LSM14A: variants seen among roughly 807,000 people sequenced by gnomAD.
The protein encoded by LSM14A is protein LSM14 homolog A.
LSM14A carries 14 observed loss-of-function variants against 52.4 expected under a neutral mutation model. The observed-to-expected ratio is 0.27, with a 90% confidence interval of 0.18 to 0.42. The LOEUF (loss-of-function observed/expected upper bound fraction) is 0.42. Among genes scored for constraint, LSM14A ranks in the 10% least tolerant of loss-of-function variants. LSM14A has a pLI of 1.00. For synonymous variants in LSM14A, 185 were observed against 200.3 expected (o/e 0.92, Z 0.64); for missense variants, 417 against 581.8 (o/e 0.72, Z 2.91).
intron 8 of LSM14A, among the ~76,000 whole-genome samples, chr19:34,220,955 A>G (rs1385494686): frequency 9.9e-5 from 15 of 152,128 alleles, no homozygotes; most frequent in African/African-American, 3.6e-4. Context: ...AGCTGTTACT[A>G]TGTTTATCAG....
chr19:34,192,319 G>GTTTTTTTTTTGTTTTTTTTTTTTT (rs2070457878), intron 1 of LSM14A, among the ~76,000 whole-genome samples: 1 of 53,410 alleles, frequency 1.9e-5, no homozygotes, highest in Non-Finnish European at 3.3e-5. Context: ...TCTTTTTGTT[G>GTTTTTTTTTTGTTTTTTTTTTTTT]TTTTTTTTTT....
At chr19:34,213,166 A>G (rs550425100) in intron 4 of LSM14A, among the ~76,000 whole-genome samples, 23 of 145,954 alleles carry the variant, frequency 1.6e-4, no homozygotes, top group Non-Finnish European at 3.2e-4. Context: ...TAAAAAACAA[A>G]AAACAAAATG....
chr19:34,190,537 C>G (rs1000439343), intron 1 of LSM14A, among the ~76,000 whole-genome samples: 2 of 127,138 alleles, frequency 1.6e-5, no homozygotes, highest in African/African-American at 2.9e-5. Flanking sequence ...ATCAACTAGC[C>G]AAAAAAAAAA....
intron 1 of LSM14A, 136 bp downstream of exon 1, chr19:34,172,899 G>T: frequency 2.7e-6 from 3 of 1,092,542 alleles, no homozygotes; most frequent in Non-Finnish European, 2.4e-6. Context: ...CCCTTCTCCG[G>T]GCCCCGGCGT....
At chr19:34,195,689 A>G (rs754609564) in intron 2 of LSM14A, among the ~76,000 whole-genome samples, 1 of 152,112 alleles carries the variant, frequency 6.6e-6, no homozygotes, top group Non-Finnish European at 1.5e-5. Context: ...AATCTCTTTA[A>G]ATGGAGAAGG....
chr19:34,204,033 A>G (rs2071504386), intron 3 of LSM14A, among the ~76,000 whole-genome samples: 1 of 152,212 alleles, frequency 6.6e-6, no homozygotes, highest in African/African-American at 2.4e-5. Context: ...ATACGTTAAT[A>G]TCAGACAAAG....
At chr19:34,225,878 A>G (rs894915545) in intron 9 of LSM14A, among the ~76,000 whole-genome samples, 1 of 152,160 alleles carries the variant, frequency 6.6e-6, no homozygotes, top group African/African-American at 2.4e-5. Context: ...CATGGGCAAC[A>G]TAAGGAGTCC....
chr19:34,223,319 C>CT (rs2073167065), intron 9 of LSM14A, among the ~76,000 whole-genome samples: 1 of 152,302 alleles, frequency 6.6e-6, no homozygotes, highest in African/African-American at 2.4e-5. Flanking sequence ...AACTCCTGGG[C>CT]TTAAGCGATC....
chr19:34,197,504 T>C (rs1040256724), intron 3 of LSM14A, among the ~76,000 whole-genome samples: 12 of 141,114 alleles, frequency 8.5e-5, no homozygotes, highest in Admixed American at 3.0e-4. Context: ...AGTGGCATGA[T>C]CTCCGCTCAC....
intron 3 of LSM14A, among the ~76,000 whole-genome samples, chr19:34,202,588 A>G (rs2071382788): frequency 6.6e-6 from 1 of 152,130 alleles, no homozygotes; most frequent in African/African-American, 2.4e-5. Context: ...CAAAAACTCA[A>G]AAGCTTGATT....
At chr19:34,178,148 G>A (rs2069208388) in intron 1 of LSM14A, among the ~76,000 whole-genome samples, 1 of 148,636 alleles carries the variant, frequency 6.7e-6, no homozygotes, top group Non-Finnish European at 1.5e-5. Context: ...GCAACAGAGC[G>A]AGACTCTGTC....
chr19:34,200,575 T>G (rs2071219675), intron 3 of LSM14A, among the ~76,000 whole-genome samples: 2 of 151,804 alleles, frequency 1.3e-5, no homozygotes, highest in South Asian at 4.2e-4. Context: ...AGAAACAGAG[T>G]GGGTTTGGTT....
chr19:34,204,771 A>G (rs1213452220), intron 3 of LSM14A, among the ~76,000 whole-genome samples: 3 of 152,188 alleles, frequency 2.0e-5, no homozygotes, highest in Non-Finnish European at 4.4e-5. Flanking sequence ...ATGACCAGAA[A>G]GTTTGTGGGT....
Position 34,228,222 on chromosome 19 carries a change from T to C in LSM14A, c.*834T>C, listed in dbSNP as rs2073440839. The C allele has an allele frequency of 6.6e-6, 1 of 152,650 alleles. No homozygotes were observed. The highest frequency in any genetic ancestry group is 1.5e-5 in the Non-Finnish European group (1 of 68,040). The allele number at this position is 152,650 out of a possible 1,614,324, so 9.5% of individuals were successfully genotyped here. ...TAATGTTTGGAACATAAATGAAGATTTGATACATTATTTCATTATCTAAAA... is the reference window on the plus strand; with the variant it reads ...TAATGTTTGGAACATAAATGAAGATCTGATACATTATTTCATTATCTAAAA... On this transcript the variant is annotated 3_prime_UTR_variant, in exon 10 of 10. Coordinates refer to ENST00000544216, the MANE Select transcript of LSM14A (RefSeq NM_015578.4).
chr19:34,198,071 A>AG (rs1354067906), intron 3 of LSM14A, among the ~76,000 whole-genome samples: 1 of 152,090 alleles, frequency 6.6e-6, no homozygotes, highest in Non-Finnish European at 1.5e-5. Context: ...GTAAAAAAAA[A>AG]AAAACAGCTT....
At chr19:34,176,696 T>A (rs1429873477) in intron 1 of LSM14A, among the ~76,000 whole-genome samples, 1 of 152,252 alleles carries the variant, frequency 6.6e-6, no homozygotes, top group Non-Finnish European at 1.5e-5. Flanking sequence ...GCATTTAGAT[T>A]GTTTGCAGTT....
chr19:34,183,802 G>T (rs1328170503), intron 1 of LSM14A, among the ~76,000 whole-genome samples: 1 of 152,138 alleles, frequency 6.6e-6, no homozygotes, highest in Non-Finnish European at 1.5e-5. Context: ...TAATTGGGAT[G>T]AAGGGTGTAA....
chr19:34,221,779 A>C lies in LSM14A; in HGVS notation c.1368+41A>C, dbSNP rs1300872063. ...AATAAATTCTTTGGGGTTGACATGC[A>C]TTTTACAAGACTCAAAACATTTTTA... On this transcript the variant is annotated intron_variant, in intron 9 of 9. Coordinates refer to ENST00000544216, the MANE Select transcript of LSM14A (RefSeq NM_015578.4). 5.1e-6 allele frequency: 8 copies of C among 1,575,414 alleles called. No homozygotes were observed. The Admixed American group carries it at 5.4e-5, about 11-fold the overall frequency.
At chr19:34,187,834 A>C (rs772935522) in intron 1 of LSM14A, among the ~76,000 whole-genome samples, 15 of 151,990 alleles carry the variant, frequency 9.9e-5, no homozygotes, top group Non-Finnish European at 1.9e-4. Flanking sequence ...CTAAATCTGG[A>C]GACTGGATTA....
Sources: allele counts gnomAD v4.1 joint callset (sites outside exome capture counted in the v4.1 genomes callset), GRCh38; gene constraint gnomAD v4.1.1; transcripts MANE v1.5; gene names NCBI Gene and HGNC (gene_info 2026-07-23, HGNC 2026-07-21).